Variants in KCTD1 observed in about 807,000 individuals in gnomAD.
KCTD1 encodes potassium channel tetramerization domain containing 1.
In KCTD1, 24 loss-of-function variants were observed where a neutral mutation model predicts 66.0. The ratio of observed to expected loss-of-function variants is 0.36; its 90% CI spans 0.26 to 0.51. KCTD1 has a LOEUF of 0.51. Ranked by LOEUF, KCTD1 falls within the 20% of genes least tolerant of loss-of-function variation. The pLI is 0.95. For synonymous variants in KCTD1, 511 were observed against 517.2 expected, an observed-to-expected ratio of 0.99 and a Z score of 0.16; for missense variants, 943 against 1,205.2, an observed-to-expected ratio of 0.78 and a Z score of 3.22.
intron 1 of KCTD1, among the ~76,000 whole-genome samples, chr18:26,510,721 C>T (rs187595094): frequency 6.6e-6 from 1 of 152,102 alleles, no homozygotes; most frequent in African/African-American, 2.4e-5. Flanking sequence ...AATAGAATTT[C>T]GCATGTTTTT....
At chr18:26,542,838 C>T (rs1433354162) in intron 1 of KCTD1, 2 of 152,274 alleles carry the variant, frequency 1.3e-5, no homozygotes, top group Admixed American at 6.5e-5. Flanking sequence ...GAACTGACAT[C>T]AGATATGAGT....
chr18:26,546,809 C>G lies in KCTD1; in HGVS notation c.1728G>C (p.Leu576=). The change falls in exon 1 of 5, where the codon CTG becomes CTC. Residue 576 remains leucine, a synonymous_variant. Coordinates refer to ENST00000580059, the MANE Select transcript of KCTD1 (RefSeq NM_001142730.3). ...GCCCATTGGCTTCTGGAAGAAGAGG[C>G]AGGGGGTCGTGTTTCACGGAAACCA... ...VVVVSVKHDP[L]PLLPEANGHR... 2 of 1,544,468 alleles carry G rather than the reference C, an allele frequency of 1.3e-6. No individual in the cohort carries two copies. The highest frequency in any genetic ancestry group is 1.7e-6 in the Non-Finnish European group (2 of 1,144,356).
chr18:26,532,853 T>C (rs906060646), intron 1 of KCTD1, among the ~76,000 whole-genome samples: 2 of 152,214 alleles, frequency 1.3e-5, no homozygotes, highest in Non-Finnish European at 2.9e-5. Context: ...CATGGTTTTA[T>C]TAGTTTTCCT....
chr18:26,644,318 C>T (rs955407454), upstream of KCTD1, among the ~76,000 whole-genome samples: 1 of 152,074 alleles, frequency 6.6e-6, no homozygotes, highest in African/African-American at 2.4e-5. Flanking sequence ...CAAGGACCGA[C>T]CGTTGGCAAG....
intron 1 of KCTD1, among the ~76,000 whole-genome samples, chr18:26,514,565 AAAAAAAG>A (rs1271692462): frequency 2.0e-5 from 3 of 147,278 alleles, no homozygotes; most frequent in African/African-American, 5.0e-5. Flanking sequence ...AAAAAAAAAA[AAAAAAAG>A]AAATGGCAGA....
In KCTD1 at chr18:26,649,050, G is replaced by T. The variant is rs546936410; in HGVS notation, c.9+8310C>A. 1.6e-3 allele frequency among the ~76,000 whole-genome samples: 247 copies of T among 152,294 alleles called. 1 individual carries two copies. The highest frequency in any genetic ancestry group is 5.8e-3 in the African/African-American group (242 of 41,560). ...TAGATAATGAAACCAAAGCTTTGGG[G>T]TCACACAATTAACAGTGGGTCTCTA... On this transcript the variant is annotated intron_variant, in intron 1 of 4. Coordinates refer to the KCTD1 transcript ENST00000580191.
intron 1 of KCTD1, among the ~76,000 whole-genome samples, chr18:26,537,214 T>C (rs1398794854): frequency 3.3e-5 from 5 of 152,346 alleles, no homozygotes; most frequent in Admixed American, 2.6e-4. Flanking sequence ...CTCTTTTTTT[T>C]CTGGAGTGAA....
chr18:26,602,981 C>T lies in KCTD1; in HGVS notation c.-16+26166G>A, dbSNP rs540958076. Among the ~76,000 whole-genome samples the T allele has an allele frequency of 2.6e-5, 4 of 152,274 alleles. No individual in the cohort carries two copies. In the East Asian group the frequency reaches 7.7e-4, roughly 29 times the overall value. On this transcript the variant is annotated intron_variant, in intron 1 of 4. Coordinates refer to the KCTD1 transcript ENST00000317932. ...CAGAAATAAGGCCACACATCTACAA[C>T]CATCTGATCTTTGACAAGGCTGACA...
At chr18:26,554,245 CAGAG>C (rs890354325) in intron 1 of KCTD1, among the ~76,000 whole-genome samples, 7 of 149,744 alleles carry the variant, frequency 4.7e-5, no homozygotes, top group African/African-American at 1.2e-4. Flanking sequence ...AGACGAAAGA[CAGAG>C]AGAAAGAAAA....
intron 1 of KCTD1, among the ~76,000 whole-genome samples, chr18:26,618,957 A>G (rs1987315536): frequency 1.3e-5 from 2 of 152,226 alleles, no homozygotes; most frequent in Non-Finnish European, 1.5e-5. Context: ...GGGAAAGCCA[A>G]TGTCCATTTC....
At chr18:26,656,860 C>T (rs983493026) in intron 1 of KCTD1, among the ~76,000 whole-genome samples, 46 of 99,428 alleles carry the variant, frequency 4.6e-4, no homozygotes, top group East Asian at 7.1e-4. Flanking sequence ...AGCTTTGCGC[C>T]GGGGAAGAAA....
At chr18:26,530,615 A>G (rs1042888699) in intron 1 of KCTD1, among the ~76,000 whole-genome samples, 1 of 152,212 alleles carries the variant, frequency 6.6e-6, no homozygotes, top group African/African-American at 2.4e-5. Context: ...TTTTGGGTGT[A>G]TGTGATTCCT....
rs1232343924 is a variant in KCTD1, at chr18:26,548,130, G to A, written c.407C>T (p.Pro136Leu). The change falls in exon 1 of 5, where the codon CCG (proline) becomes CTG (leucine). Residue 136 changes from proline to leucine, a missense_variant. Transcript: ENST00000580059. ...GGCCCGGGGCGCCAGCAGTCGCGGC[G>A]GCGCCTCGGGCTCCAGCGCGGCGCT... ...DQSAALEPEAPPRLLAPRARG... is the reference protein window; with the variant it reads ...DQSAALEPEALPRLLAPRARG... 4 of 1,317,590 alleles carry A rather than the reference G, an allele frequency of 3.0e-6. No individual in the cohort carries two copies. The African/African-American group carries it at 6.2e-5, about 20-fold the overall frequency. 81.6% of individuals were successfully genotyped at this position (1,317,590 alleles called of 1,614,324 possible).
At position 26,548,187 on chromosome 18, in the gene KCTD1, G is replaced by A. The variant is rs1245898587; in HGVS notation, c.350C>T (p.Pro117Leu). 1 of 1,500,260 alleles carries A rather than the reference G, an allele frequency of 6.7e-7. No homozygotes were observed. The highest frequency in any genetic ancestry group is 2.1e-5 in the Admixed American group (1 of 48,586). The allele number at this position is 1,500,260 out of a possible 1,614,324, so 92.9% of individuals were successfully genotyped here. ...CATATTGATCATATGGACCGGCTCG[G>A]GCTCCAGCTCCTCCCCGGCCGAGTC... ...PEDSAGEELE[P>L]EPVHMINMDQ... is the part of the protein sequence containing the mutation. The change falls in exon 1 of 5, where the codon CCC (proline) becomes CTC (leucine). Residue 117 changes from proline to leucine, a missense_variant. By Grantham distance (98) the Pro-to-Leu change is moderately conservative. Around this residue, in one of 10 missense-constraint regions of KCTD1, gnomAD observed 236 missense variants for 206.6 expected, o/e 1.14. Transcript: ENST00000580059.
chr18:26,654,138 C>A (rs1988084870), intron 1 of KCTD1, among the ~76,000 whole-genome samples: 1 of 152,118 alleles, frequency 6.6e-6, no homozygotes, highest in Non-Finnish European at 1.5e-5. Context: ...TTTGTGCAAG[C>A]AATTGTTATT....
At chr18:26,484,971 T>C (rs1981841339) in intron 2 of KCTD1, among the ~76,000 whole-genome samples, 1 of 152,150 alleles carries the variant, frequency 6.6e-6, no homozygotes, top group South Asian at 2.1e-4. Context: ...AGTATTGACC[T>C]GAGCGGGGTA....
chr18:26,582,325 G>T (rs553151462), intron 1 of KCTD1, among the ~76,000 whole-genome samples: 1 of 150,462 alleles, frequency 6.6e-6, no homozygotes, highest in East Asian at 1.9e-4. Flanking sequence ...GAAAGTAACT[G>T]CAAATGGCTC....
chr18:26,498,377 G>T (rs1379693477), intron 2 of KCTD1, among the ~76,000 whole-genome samples: 1 of 151,130 alleles, frequency 6.6e-6, no homozygotes, highest in African/African-American at 2.4e-5. Flanking sequence ...GGGAGGGGTA[G>T]GTTTAGTGAG....
chr18:26,603,822 C>T (rs1376960386), intron 1 of KCTD1, among the ~76,000 whole-genome samples: 1 of 151,140 alleles, frequency 6.6e-6, no homozygotes, highest in African/African-American at 2.4e-5. Flanking sequence ...AGGAGAAAAC[C>T]TGGGCAATAC....
Sources: allele counts gnomAD v4.1 joint callset (sites outside exome capture counted in the v4.1 genomes callset), GRCh38; gene constraint gnomAD v4.1.1; regional missense constraint gnomAD v4.1.1; transcripts MANE v1.5; gene names NCBI Gene and HGNC (gene_info 2026-07-23, HGNC 2026-07-21).